Variants in DAB1 observed in about 807,000 individuals in gnomAD.
DAB1 encodes DAB adaptor protein 1.
A neutral mutation model predicts 64.6 loss-of-function variants in DAB1; 15 were observed. The ratio of observed to expected loss-of-function variants is 0.23; its 90% CI spans 0.16 to 0.36. The LOEUF (loss-of-function observed/expected upper bound fraction) is 0.36. DAB1 is among the 10% of genes least tolerant of loss of function. The pLI, the probability that DAB1 is intolerant of heterozygous loss-of-function variation, is 1.00. For synonymous variants in DAB1, 235 were observed against 251.9 expected, an observed-to-expected ratio of 0.93 and a Z score of 0.64; for missense variants, 596 against 706.7, an observed-to-expected ratio of 0.84 and a Z score of 1.78.
chr1:58,086,032 C>T (rs944516482), intron 5 of DAB1, among the ~76,000 whole-genome samples: 10 of 137,180 alleles, frequency 7.3e-5, no homozygotes, highest in African/African-American at 2.3e-4. Flanking sequence ...GGCGGGATCT[C>T]GGCTCACTGC....
intron 4 of DAB1, among the ~76,000 whole-genome samples, chr1:58,162,474 T>C (rs1161447126): frequency 6.6e-6 from 1 of 152,136 alleles, no homozygotes; most frequent in Non-Finnish European, 1.5e-5. Context: ...TACAGAAAAT[T>C]CAAGCAATTC....
At chr1:57,867,917 G>A (rs1654376232) in intron 1 of DAB1, among the ~76,000 whole-genome samples, 1 of 152,146 alleles carries the variant, frequency 6.6e-6, no homozygotes, top group Non-Finnish European at 1.5e-5. Context: ...TAGAAAAGCA[G>A]AATGGCACGG....
At chr1:58,237,903 A>C (rs542158086) in intron 4 of DAB1, among the ~76,000 whole-genome samples, 1 of 152,210 alleles carries the variant, frequency 6.6e-6, no homozygotes, top group Non-Finnish European at 1.5e-5. Context: ...ATAATAGCCA[A>C]CTCATTGTTT....
intron 5 of DAB1, among the ~76,000 whole-genome samples, chr1:58,087,631 G>A (rs1650398444): frequency 6.6e-6 from 1 of 152,188 alleles, no homozygotes; most frequent in Non-Finnish European, 1.5e-5. Context: ...TTGAGGACCA[G>A]TGGATCTGAG....
At chr1:57,660,828 C>A (rs1163188835) in intron 6 of DAB1, among the ~76,000 whole-genome samples, 2 of 152,208 alleles carry the variant, frequency 1.3e-5, no homozygotes, top group African/African-American at 4.8e-5. Context: ...ATCTCAGCTT[C>A]AGAGCTTCCC....
At chr1:57,287,420 C>T (rs562818240) in intron 2 of DAB1, among the ~76,000 whole-genome samples, 1 of 152,178 alleles carries the variant, frequency 6.6e-6, no homozygotes, top group African/African-American at 2.4e-5. Flanking sequence ...TAAATGTAAG[C>T]TAGAAGCAAT....
Position 58,041,315 on chromosome 1 carries a change from G to A in DAB1, n.387+109196C>T, listed in dbSNP as rs1012692990. 3.9e-5 allele frequency among the ~76,000 whole-genome samples: 6 copies of A among 152,140 alleles called. No homozygotes were observed. In the South Asian group the frequency reaches 1.0e-3, roughly 26 times the overall value. ...TCTCTCCTAGGCTGAGATTATTGAC[G>A]CTGGAGCCACATCTTTTCATCTCTA... On this transcript the variant is annotated intron_variant and non_coding_transcript_variant, in intron 5 of 20. Coordinates refer to the DAB1 transcript ENST00000485760.
chr1:57,908,668 G>C (rs563467172), intron 5 of DAB1, among the ~76,000 whole-genome samples: 8 of 152,116 alleles, frequency 5.3e-5, no homozygotes, highest in Non-Finnish European at 1.2e-4. Context: ...CAGAAACCAA[G>C]CAGATTGGAA....
At chr1:57,751,472 T>C (rs533702364) in intron 6 of DAB1, among the ~76,000 whole-genome samples, 29 of 152,160 alleles carry the variant, frequency 1.9e-4, no homozygotes, top group Non-Finnish European at 4.1e-4. Flanking sequence ...TCAGCCCTGA[T>C]GACTCTTCAG....
At chr1:58,149,439 A>C (rs1346198252) in intron 5 of DAB1, among the ~76,000 whole-genome samples, 1 of 152,202 alleles carries the variant, frequency 6.6e-6, no homozygotes, top group Non-Finnish European at 1.5e-5. Flanking sequence ...GCAGGCATAT[A>C]GCAGGAAGGA....
intron 1 of DAB1, among the ~76,000 whole-genome samples, chr1:57,409,907 C>G (rs959840575): frequency 3.3e-5 from 5 of 152,166 alleles, no homozygotes; most frequent in African/African-American, 1.2e-4. Flanking sequence ...TGGGATTTGA[C>G]AAGGAATTAG....
chr1:57,243,261 A>G (rs565427810), intron 2 of DAB1, among the ~76,000 whole-genome samples: 5 of 152,154 alleles, frequency 3.3e-5, no homozygotes, highest in Admixed American at 1.3e-4. Context: ...TGTAATTATG[A>G]GTGGTCCCTG....
chr1:57,551,200 G>A (rs1323340054), intron 7 of DAB1, among the ~76,000 whole-genome samples: 1 of 152,184 alleles, frequency 6.6e-6, no homozygotes, highest in Non-Finnish European at 1.5e-5. Flanking sequence ...GTGGAATGAA[G>A]GGCAGAAGGT....
chr1:57,028,971 A>C (rs974318574), intron 9 of DAB1, among the ~76,000 whole-genome samples: 11 of 152,252 alleles, frequency 7.2e-5, no homozygotes, highest in Non-Finnish European at 1.6e-4. Flanking sequence ...AGAAATTTGC[A>C]TAAGTAGCAA....
At chr1:57,889,894 T>TGGGGGGGGGGG (rs1259975929) in intron 5 of DAB1, among the ~76,000 whole-genome samples, 1 of 8,018 alleles carries the variant, frequency 1.2e-4, no homozygotes, top group African/African-American at 5.0e-4. Flanking sequence ...TAGCACAAAC[T>TGGGGGGGGGGG]GGGGCGGGGG....
chr1:57,525,956 G>C (rs1024348856), intron 7 of DAB1, among the ~76,000 whole-genome samples: 2 of 70,112 alleles, frequency 2.9e-5, no homozygotes, highest in South Asian at 8.5e-4. Flanking sequence ...TTTTTTTTTT[G>C]AGACGGAGTT....
At chr1:57,448,636 CATT>C (rs1237919205) in intron 7 of DAB1, among the ~76,000 whole-genome samples, 1 of 152,124 alleles carries the variant, frequency 6.6e-6, no homozygotes, top group African/African-American at 2.4e-5. Flanking sequence ...TTGATCAAGA[CATT>C]GTACTTGCTT....
intron 4 of DAB1, among the ~76,000 whole-genome samples, chr1:58,274,781 G>C (rs12039213): frequency 0.023 from 3,571 of 152,160 alleles, 259 homozygotes; most frequent in East Asian, 0.22. Flanking sequence ...AGGTGCGTCC[G>C]TCACTCCTTT....
At chr1:57,606,405 T>C (rs1645638369) in intron 7 of DAB1, among the ~76,000 whole-genome samples, 1 of 123,714 alleles carries the variant, frequency 8.1e-6, no homozygotes, top group Non-Finnish European at 1.7e-5. Context: ...CATTATATTA[T>C]ATATATGATA....
Sources: gnomAD v4.1 joint callset for allele counts (sites outside exome capture counted in the v4.1 genomes callset) on GRCh38, gnomAD v4.1.1 for gene constraint, MANE v1.5 for transcripts, NCBI Gene and HGNC (gene_info 2026-07-23, HGNC 2026-07-21) for gene names.